DTNA: variants seen among roughly 807,000 people sequenced by gnomAD.
DTNA encodes dystrophin-related protein 3.
A neutral mutation model predicts 100.7 loss-of-function variants in DTNA; 43 were observed. That is an observed-to-expected ratio of 0.43 (90% CI 0.33 to 0.55). The LOEUF (loss-of-function observed/expected upper bound fraction) is 0.55. DTNA is among the 20% of genes least tolerant of loss of function. The pLI is 0.04. For synonymous variants in DTNA, 349 were observed against 347.9 expected (o/e 1.00, Z -0.04); for missense variants, 798 against 953.9 (o/e 0.84, Z 2.15).
rs1351054248 is a variant in DTNA, at chr18:34,851,098, T to TTTTA, written c.1435-717_1435-714dup. On this transcript the variant is annotated intron_variant, in intron 14 of 22. Coordinates refer to ENST00000444659, the MANE Select transcript of DTNA (RefSeq NM_001386795.1). ...ACCAACTATGACTTTAAAACTATATTTTTATTTATTTATTTATTTTTGTGA... is the reference window on the plus strand; with the variant it reads ...ACCAACTATGACTTTAAAACTATATTTTTATTTATTTATTTATTTATTTTTGTGA... Among the ~76,000 whole-genome samples, 11 of 152,220 alleles carry TTTTA rather than the reference T, an allele frequency of 7.2e-5. No homozygotes were observed. In the East Asian group the frequency reaches 7.7e-4, roughly 11 times the overall value.
chr18:34,858,435 T>C, intron 16 of DTNA, 37 bp downstream of exon 16: 1 of 1,595,632 alleles, frequency 6.3e-7, no homozygotes, highest in Non-Finnish European at 8.6e-7. Context: ...AGGGAATATA[T>C]ATGTGTCAGA....
At chr18:34,637,672 A>G (rs2058807801) in intron 1 of DTNA, among the ~76,000 whole-genome samples, 4 of 152,186 alleles carry the variant, frequency 2.6e-5, no homozygotes, top group African/African-American at 9.7e-5. Context: ...GATTTGGGGC[A>G]GAGACAGACA....
intron 1 of DTNA, among the ~76,000 whole-genome samples, chr18:34,701,078 A>G (rs183039626): frequency 6.6e-6 from 1 of 152,302 alleles, no homozygotes; most frequent in Admixed American, 6.5e-5. Flanking sequence ...TGGACCACTC[A>G]GCAGGTAAAT....
rs147630985 is a variant in DTNA, at chr18:34,530,723, C to T, written c.-2+37209C>T. On this transcript the variant is annotated intron_variant, in intron 1 of 19. Coordinates refer to the DTNA transcript ENST00000283365. ...ATAACTATTTTTATCCCAATTTGCT[C>T]GTAGGGAAGATTGCTTGAAGTCACA... Among the ~76,000 whole-genome samples the T allele has an allele frequency of 5.6e-3, 847 of 152,118 alleles. 8 individuals carry two copies. The highest frequency in any genetic ancestry group is 0.017 in the African/African-American group (725 of 41,510).
chr18:34,829,131 T>C (rs1169990182), intron 10 of DTNA: 3 of 1,613,928 alleles, frequency 1.9e-6, no homozygotes, highest in Non-Finnish European at 2.5e-6. Context: ...GCTGTTCTGG[T>C]TCCTCCAGGG....
intron 3 of DTNA, among the ~76,000 whole-genome samples, chr18:34,790,089 C>T (rs1298425892): frequency 6.6e-6 from 1 of 152,182 alleles, no homozygotes; most frequent in African/African-American, 2.4e-5. Flanking sequence ...CCTTAGAAAA[C>T]CCTGTTTCAC....
intron 1 of DTNA, among the ~76,000 whole-genome samples, chr18:34,731,772 T>C (rs964346288): frequency 6.6e-6 from 1 of 152,230 alleles, no homozygotes; most frequent in East Asian, 1.9e-4. Flanking sequence ...GTACAGTGCC[T>C]GGCCCACATA....
At chr18:34,682,006 A>C (rs1600120050) in intron 1 of DTNA, among the ~76,000 whole-genome samples, 1 of 152,066 alleles carries the variant, frequency 6.6e-6, no homozygotes, top group African/African-American at 2.4e-5. Context: ...TACTGGCTCC[A>C]TAGCTTTACC....
intron 3 of DTNA, among the ~76,000 whole-genome samples, chr18:34,784,086 C>T (rs1287233375): frequency 6.6e-6 from 1 of 152,156 alleles, no homozygotes; most frequent in Non-Finnish European, 1.5e-5. Flanking sequence ...CCTGGCCACA[C>T]TCTAGACCTA....
At chr18:34,572,256 T>C (rs1027469120) in intron 1 of DTNA, among the ~76,000 whole-genome samples, 2 of 152,188 alleles carry the variant, frequency 1.3e-5, no homozygotes. Context: ...TATCCCTAAG[T>C]GATTCAAATC....
chr18:34,664,682 A>C (rs971920962), intron 1 of DTNA, among the ~76,000 whole-genome samples: 2 of 152,208 alleles, frequency 1.3e-5, no homozygotes, highest in Non-Finnish European at 2.9e-5. Flanking sequence ...TCACAGAGAC[A>C]CAAGGACAAG....
intron 1 of DTNA, among the ~76,000 whole-genome samples, chr18:34,753,913 A>G (rs1196076432): frequency 6.6e-6 from 1 of 152,218 alleles, no homozygotes; most frequent in African/African-American, 2.4e-5. Context: ...GTTTTTTTCT[A>G]GATCTATATA....
At chr18:34,715,637 A>T (rs749298225) in intron 1 of DTNA, among the ~76,000 whole-genome samples, 4 of 152,104 alleles carry the variant, frequency 2.6e-5, no homozygotes, top group African/African-American at 4.8e-5. Flanking sequence ...TAAAATATGG[A>T]TCTATGAAAG....
intron 1 of DTNA, among the ~76,000 whole-genome samples, chr18:34,579,951 T>G (rs1292654763): frequency 1.3e-5 from 2 of 152,128 alleles, no homozygotes; most frequent in Non-Finnish European, 2.9e-5. Flanking sequence ...ATTACAAATA[T>G]CTTAGATCAT....
intron 1 of DTNA, among the ~76,000 whole-genome samples, chr18:34,553,533 A>G (rs1360954987): frequency 2.6e-5 from 4 of 152,064 alleles, no homozygotes; most frequent in Non-Finnish European, 5.9e-5. Flanking sequence ...TAAGTCTTTA[A>G]TCCATCTTGA....
In DTNA at chr18:34,829,117, T is replaced by C. The variant is rs558285636; in HGVS notation, c.1086-283T>C. 2.4e-4 allele frequency: 385 copies of C among 1,614,102 alleles called. 4 individuals are homozygous for C. The South Asian group carries it at 4.0e-3, about 17-fold the overall frequency. On this transcript the variant is annotated intron_variant, in intron 10 of 22. Coordinates refer to ENST00000444659, the MANE Select transcript of DTNA (RefSeq NM_001386795.1). ...TACCCTAAAATATTCCTATAATACT[T>C]TGAGCTGTTCTGGTTCCTCCAGGGT...
chr18:34,839,075 C>T (rs895070017), intron 13 of DTNA, among the ~76,000 whole-genome samples: 1 of 152,156 alleles, frequency 6.6e-6, no homozygotes, highest in South Asian at 2.1e-4. Flanking sequence ...TAAAGGGATG[C>T]CTTGCTAAAT....
Position 34,809,586 on chromosome 18 carries a change from A to G in DTNA, c.449-2373A>G, listed in dbSNP as rs181354955. Among the ~76,000 whole-genome samples the G allele has an allele frequency of 2.6e-5, 4 of 152,316 alleles. No homozygotes were observed. The East Asian group carries it at 7.7e-4, about 29-fold the overall frequency. The stretch of plus-strand genomic sequence containing the variant: ...TTGAGGGTTTTGTTTTCCCTTCTTT[A>G]AAGTTTTTCTAATTCACGTTAAGCC... On this transcript the variant is annotated intron_variant, in intron 5 of 22. Transcript: ENST00000444659.
At chr18:34,703,994 GT>G (rs1271107829) in intron 1 of DTNA, among the ~76,000 whole-genome samples, 1 of 151,948 alleles carries the variant, frequency 6.6e-6, no homozygotes, top group Non-Finnish European at 1.5e-5. Context: ...TTTTCAAACT[GT>G]TTCTTAATCT....
Sources: gnomAD v4.1 joint callset for allele counts (sites outside exome capture counted in the v4.1 genomes callset) on GRCh38, gnomAD v4.1.1 for gene constraint, MANE v1.5 for transcripts, NCBI Gene and HGNC (gene_info 2026-07-23, HGNC 2026-07-21) for gene names.